AHRR: variants seen among roughly 807,000 people sequenced by gnomAD.
The protein encoded by AHRR is aryl hydrocarbon receptor repressor.
Under a neutral mutation model 44.0 loss-of-function variants are expected in AHRR, and 28 were observed. That is an observed-to-expected ratio of 0.64 (90% confidence interval 0.47 to 0.87). AHRR has a LOEUF of 0.87. Ranked by LOEUF, AHRR falls within the 40% of genes least tolerant of loss-of-function variation. The probability of loss-of-function intolerance (pLI) is 0.00; values close to 1 mark genes in which losing one functional copy is unlikely to be tolerated. For missense variants in AHRR, 990 were observed against 953.9 expected, an observed-to-expected ratio of 1.04 and a Z score of -0.50; for synonymous variants, 434 against 407.0, an observed-to-expected ratio of 1.07 and a Z score of -0.80.
chr5:353,488 C>G (rs2671915), intron 2 of AHRR, among the ~76,000 whole-genome samples: 139,835 of 152,234 alleles, frequency 0.92, 64,595 homozygotes, highest in African/African-American at 0.98. Context: ...TGCGGTTCTC[C>G]GGCTGGTTTG....
rs112829832 is a variant in AHRR at position 338,455 on chromosome 5, G to A, written c.-10-5438G>A. Among the ~76,000 whole-genome samples, 350 of 152,274 alleles carry A rather than the reference G, an allele frequency of 2.3e-3. 3 individuals are homozygous for A. Among genetic ancestry groups the A allele is most frequent in the African/African-American group, 8.1e-3 (336 of 41,578 alleles). ...CAGGGTTTTTTCTTTCAGCTTTAAA[G>A]ATGTTGCTCCACTACCTTCTTGTTT... On this transcript the variant is annotated intron_variant, in intron 1 of 10. Coordinates refer to ENST00000684583, the MANE Select transcript of AHRR (RefSeq NM_001377236.1). The surrounding 1 kb of genome is among the most constrained non-coding windows in gnomAD (Gnocchi z 4.1).
chr5:421,743 CCTT>C lies in AHRR; in HGVS notation c.442-983_442-981del, dbSNP rs1469614967. 4.6e-5 allele frequency among the ~76,000 whole-genome samples: 7 copies of C among 152,376 alleles called. No individual in the cohort carries two copies. The East Asian group carries it at 1.2e-3, about 25-fold the overall frequency. Reference sequence around the variant, plus strand: ...GCCCCTTTAGTGAGGGCCACCTCCTCCTTCTGCTCTCCTGAGGCTGTGTCTCAT... The same window carrying C: ...GCCCCTTTAGTGAGGGCCACCTCCTCCTGCTCTCCTGAGGCTGTGTCTCAT... On this transcript the variant is annotated intron_variant, in intron 5 of 10. Coordinates refer to ENST00000684583, the MANE Select transcript of AHRR (RefSeq NM_001377236.1).
intron 4 of AHRR, among the ~76,000 whole-genome samples, chr5:397,368 A>G (rs1396843219): frequency 7.8e-5 from 10 of 127,996 alleles, no homozygotes; most frequent in Non-Finnish European, 1.0e-4. Flanking sequence ...GCCCCTGACC[A>G]TCCACGTAGC....
intron 10 of AHRR, 23 bp from the exon 11 acceptor site, chr5:433,830 T>C (rs767568428): frequency 9.5e-6 from 14 of 1,476,068 alleles, no homozygotes; most frequent in Non-Finnish European, 1.3e-5. Context: ...TGCTGTCAAA[T>C]GGGCCCCGTC....
rs147672607 is a variant in AHRR, at chr5:410,288, C to T, written c.352-3056C>T. On this transcript the variant is annotated intron_variant, in intron 4 of 10. Transcript: ENST00000684583. ...CTCAACTCACTACAGCCTCGATTTC[C>T]CAGGCTCAAGCAATCCTCCCACCTC... is the stretch of plus-strand genomic sequence containing the variant. 6.4e-4 allele frequency among the ~76,000 whole-genome samples: 97 copies of T among 152,306 alleles called. 1 individual carries two copies. Among genetic ancestry groups the T allele is most frequent in the African/African-American group, 2.3e-3 (96 of 41,574 alleles).
intron 3 of AHRR, among the ~76,000 whole-genome samples, chr5:363,572 G>T (rs1743252656): frequency 6.6e-6 from 1 of 152,198 alleles, no homozygotes. Context: ...GATCCACTGG[G>T]TTAGGGTTAT....
At chr5:396,274 C>T (rs1014932164) in intron 4 of AHRR, among the ~76,000 whole-genome samples, 12 of 152,174 alleles carry the variant, frequency 7.9e-5, no homozygotes, top group South Asian at 4.1e-4. Flanking sequence ...CTGGAAAGGA[C>T]GGCCGTGTGG....
At chr5:340,198 T>C (rs1372186089) in intron 1 of AHRR, among the ~76,000 whole-genome samples, 3 of 152,224 alleles carry the variant, frequency 2.0e-5, no homozygotes, top group African/African-American at 4.8e-5. Flanking sequence ...GATATAGAGC[T>C]ATCCAGATTA....
intron 4 of AHRR, among the ~76,000 whole-genome samples, chr5:391,716 T>C (rs13154873): frequency 0.011 from 42 of 3,850 alleles, 1 homozygote; most frequent in African/African-American, 0.069. Context: ...AGAGCGTGCA[T>C]GGGGGCAGGG....
intron 2 of AHRR, among the ~76,000 whole-genome samples, chr5:345,419 T>C (rs573992832): frequency 2.6e-5 from 3 of 114,606 alleles, no homozygotes; most frequent in African/African-American, 1.5e-4. Context: ...TGGCTGTGTG[T>C]GTGTGTGGGT....
intron 7 of AHRR, among the ~76,000 whole-genome samples, chr5:426,885 G>C (rs1171612540): frequency 6.8e-6 from 1 of 146,794 alleles, no homozygotes; most frequent in South Asian, 2.3e-4. Flanking sequence ...GGATGGGTGG[G>C]TGGGTGGCTG....
rs148552243 is a variant in AHRR, at chr5:413,717, C to T, written c.441+284C>T. Among the ~76,000 whole-genome samples, 6 of 152,272 alleles carry T rather than the reference C, an allele frequency of 3.9e-5. No homozygotes were observed. In the South Asian group the frequency reaches 6.2e-4, roughly 16 times the overall value. Reference sequence around the variant, plus strand: ...ATGGTCTCCTCTGGCTCAGGCACTCCGCTAGGTCCCCTGCCCCACCAGCAC... The same window carrying T: ...ATGGTCTCCTCTGGCTCAGGCACTCTGCTAGGTCCCCTGCCCCACCAGCAC... On this transcript the variant is annotated intron_variant, in intron 5 of 10. Transcript: ENST00000684583.
chr5:415,184 C>T (rs569190303), intron 5 of AHRR, among the ~76,000 whole-genome samples: 10 of 152,390 alleles, frequency 6.6e-5, no homozygotes, highest in Admixed American at 3.3e-4. Flanking sequence ...ACACCGGCCC[C>T]AGGGGAAGCC....
At chr5:415,244 G>A (rs911612370) in intron 5 of AHRR, among the ~76,000 whole-genome samples, 5 of 152,262 alleles carry the variant, frequency 3.3e-5, no homozygotes, top group Non-Finnish European at 7.3e-5. Context: ...GGGTCCCAGA[G>A]CCAGCATTCA....
At chr5:416,159 A>G (rs1279981233) in intron 5 of AHRR, among the ~76,000 whole-genome samples, 2 of 152,190 alleles carry the variant, frequency 1.3e-5, no homozygotes, top group Non-Finnish European at 2.9e-5. Flanking sequence ...GCAGGGGGAC[A>G]TGGCTGTGTG....
chr5:434,705 C>T lies in AHRR; in HGVS notation c.1965C>T (p.Val655=). 2.5e-6 allele frequency: 4 copies of T among 1,573,498 alleles called. No individual in the cohort carries two copies. The highest frequency in any genetic ancestry group is 3.5e-6 in the Non-Finnish European group (4 of 1,159,312). Residue 655 remains valine (V), a synonymous_variant, in exon 11 of 11, where the codon GTC becomes GTT. Transcript: ENST00000684583. ...GAGCTGCTGAGGCCGCCCCTGTGGT[C>T]AAGCGGGAGCCCTTGGACTCACCCC... ...TCRAAEAAPV[V]KREPLDSPQW...
At chr5:424,990 G>A (rs1180091540) in intron 7 of AHRR, among the ~76,000 whole-genome samples, 3 of 152,204 alleles carry the variant, frequency 2.0e-5, no homozygotes, top group Non-Finnish European at 2.9e-5. Flanking sequence ...AGCCCCAGTG[G>A]TGGCCCTTGC....
chr5:394,170 G>A (rs1734594420), intron 4 of AHRR, among the ~76,000 whole-genome samples: 1 of 152,218 alleles, frequency 6.6e-6, no homozygotes, highest in South Asian at 2.1e-4. Flanking sequence ...CAGGAGGGAG[G>A]CCCTACAAGG....
Position 389,902 on chromosome 5 carries a change from G to A in AHRR, c.351+13186G>A, listed in dbSNP as rs1311197095. On this transcript the variant is annotated intron_variant, in intron 4 of 10. Transcript: ENST00000684583. ...AGACAGAGGCAGGAAAGGAAAGGGT[G>A]GGGGGAGGGGAAGGGAGGGAGGGGG... is the stretch of plus-strand genomic sequence containing the variant. Among the ~76,000 whole-genome samples the A allele has an allele frequency of 2.2e-3, 266 of 122,382 alleles. 2 individuals are homozygous for A. Among genetic ancestry groups the A allele is most frequent in the African/African-American group, 7.6e-3 (252 of 33,074 alleles). 80.3% of individuals were successfully genotyped at this position (122,382 alleles called of 152,430 possible).
Sources: gnomAD v4.1 joint callset for allele counts (sites outside exome capture counted in the v4.1 genomes callset) on GRCh38, gnomAD v4.1.1 for gene constraint, Gnocchi (gnomAD v3.1) non-coding constraint, MANE v1.5 for transcripts, NCBI Gene and HGNC (gene_info 2026-07-23, HGNC 2026-07-21) for gene names.